Variants in NTN1 observed in about 807,000 individuals in gnomAD.
The protein encoded by NTN1 is netrin-1.
Under a neutral mutation model 54.2 loss-of-function variants are expected in NTN1, and 11 were observed. That is an observed-to-expected ratio of 0.20 (90% CI 0.13 to 0.34). NTN1 has a LOEUF of 0.34. Ranked by LOEUF, NTN1 falls within the 10% of genes least tolerant of loss-of-function variation. The probability of loss-of-function intolerance (pLI) is 1.00; values close to 1 mark genes in which losing one functional copy is unlikely to be tolerated. For missense variants in NTN1, 740 were observed against 893.1 expected (o/e 0.83, Z 2.18); for synonymous variants, 371 against 382.0 (o/e 0.97, Z 0.33).
At chr17:9,234,453 T>C (rs1905913437) in intron 6 of NTN1, among the ~76,000 whole-genome samples, 1 of 152,252 alleles carries the variant, frequency 6.6e-6, no homozygotes, top group Non-Finnish European at 1.5e-5. Flanking sequence ...CACTCCTGGC[T>C]GCCCTGGAAC....
chr17:9,163,028 G>A (rs755497852), intron 3 of NTN1, 27 bp downstream of exon 3: 3 of 1,566,688 alleles, frequency 1.9e-6, no homozygotes, highest in Non-Finnish European at 2.6e-6. Flanking sequence ...GGGGCGGGGG[G>A]CTGGGGAGAC....
chr17:9,125,519 C>T (rs1392916004), intron 2 of NTN1, among the ~76,000 whole-genome samples: 1 of 151,926 alleles, frequency 6.6e-6, no homozygotes, highest in Non-Finnish European at 1.5e-5. Flanking sequence ...TGAGCCACTG[C>T]ACCTGGCTGA....
chr17:9,146,772 C>T (rs1016447078), intron 2 of NTN1, among the ~76,000 whole-genome samples: 5 of 152,138 alleles, frequency 3.3e-5, no homozygotes, highest in Admixed American at 6.5e-5. Flanking sequence ...GCTAACTCGC[C>T]GCAGGACTCT....
chr17:9,027,793 C>T (rs549666228), intron 2 of NTN1, among the ~76,000 whole-genome samples: 2 of 152,184 alleles, frequency 1.3e-5, no homozygotes, highest in African/African-American at 4.8e-5. Flanking sequence ...AGATACTTTC[C>T]TGGGGGTTCT....
At chr17:9,130,886 C>G (rs2092262630) in intron 2 of NTN1, among the ~76,000 whole-genome samples, 2 of 152,210 alleles carry the variant, frequency 1.3e-5, no homozygotes, top group Admixed American at 1.3e-4. Flanking sequence ...TCTTGATTCT[C>G]TGAGTCTCGA....
chr17:9,045,136 C>G (rs901377212), intron 2 of NTN1, among the ~76,000 whole-genome samples: 2 of 152,158 alleles, frequency 1.3e-5, no homozygotes, highest in Non-Finnish European at 2.9e-5. Flanking sequence ...GGATTAGAAG[C>G]AAAGAAGAGG....
chr17:9,052,223 G>A (rs1356341610), intron 2 of NTN1, among the ~76,000 whole-genome samples: 5 of 152,002 alleles, frequency 3.3e-5, no homozygotes, highest in South Asian at 2.1e-4. Flanking sequence ...TGCCTGCCCC[G>A]GCCTCCCAAA....
chr17:9,226,188 C>G (rs1023491583), intron 6 of NTN1, among the ~76,000 whole-genome samples: 1 of 147,678 alleles, frequency 6.8e-6, no homozygotes, highest in Non-Finnish European at 1.5e-5. Context: ...TGCCAAGGCC[C>G]TGCCATGCCA....
intron 2 of NTN1, among the ~76,000 whole-genome samples, chr17:9,067,590 T>C (rs2092019367): frequency 6.6e-6 from 1 of 152,198 alleles, no homozygotes; most frequent in South Asian, 2.1e-4. Flanking sequence ...TCCACTCCTG[T>C]CTCTTACAGA....
chr17:9,034,419 T>C (rs1036913757), intron 2 of NTN1, among the ~76,000 whole-genome samples: 2 of 105,730 alleles, frequency 1.9e-5, no homozygotes, highest in Admixed American at 1.2e-4. Context: ...TATTCTTTTT[T>C]TTTTTCTTTT....
intron 2 of NTN1, among the ~76,000 whole-genome samples, chr17:9,061,796 C>T (rs951044972): frequency 2.6e-5 from 4 of 152,146 alleles, no homozygotes; most frequent in Admixed American, 1.3e-4. Flanking sequence ...CTCCACCTCC[C>T]GGGTTCAAGC....
At chr17:9,038,089 A>C (rs182370771) in intron 2 of NTN1, among the ~76,000 whole-genome samples, 1 of 152,228 alleles carries the variant, frequency 6.6e-6, no homozygotes, top group Admixed American at 6.5e-5. Context: ...ATAGGCCCAA[A>C]TATGCAAATA....
the NTN1 span, among the ~76,000 whole-genome samples, chr17:9,011,520 A>G: frequency 6.6e-6 from 1 of 152,222 alleles, no homozygotes; most frequent in Non-Finnish European, 1.5e-5. Flanking sequence ...TAATCACGTC[A>G]GCAAAGACCC....
chr17:9,027,363 A>G (rs1357120304), intron 2 of NTN1, among the ~76,000 whole-genome samples: 1 of 152,182 alleles, frequency 6.6e-6, no homozygotes, highest in Non-Finnish European at 1.5e-5. Context: ...CTGTAATTGT[A>G]CTTCTTTTAG....
the NTN1 span, among the ~76,000 whole-genome samples, chr17:9,003,753 T>G: frequency 2.0e-5 from 3 of 152,314 alleles, no homozygotes; most frequent in East Asian, 5.8e-4. The surrounding 1 kb of genome is among the most constrained non-coding windows in gnomAD (Gnocchi z 7.4). Context: ...TTCAGAATGG[T>G]CAGCGGGCTG....
At chr17:9,030,923 G>A (rs2091886619) in intron 2 of NTN1, among the ~76,000 whole-genome samples, 1 of 152,152 alleles carries the variant, frequency 6.6e-6, no homozygotes, top group Admixed American at 6.5e-5. Context: ...CTAGAAGTCT[G>A]TCTCCCTGGA....
At chr17:9,203,498 A>G (rs1051452332) in intron 5 of NTN1, among the ~76,000 whole-genome samples, 3 of 152,082 alleles carry the variant, frequency 2.0e-5, no homozygotes, top group African/African-American at 7.2e-5. Context: ...TTCAATTCTC[A>G]TATCAAGAAC....
chr17:9,050,083 A>G lies in NTN1; in HGVS notation c.1018+26692A>G, dbSNP rs541000694. On this transcript the variant is annotated intron_variant, in intron 2 of 6. Coordinates refer to ENST00000173229, the MANE Select transcript of NTN1 (RefSeq NM_004822.3). Reference sequence around the variant, plus strand: ...AACATGGTGAAACCCCGTCTCTACTAAAAATACAAACAAATTAGCCAGGTG... The same window carrying G: ...AACATGGTGAAACCCCGTCTCTACTGAAAATACAAACAAATTAGCCAGGTG... 1.1e-4 allele frequency among the ~76,000 whole-genome samples: 16 copies of G among 151,878 alleles called. No individual in the cohort carries two copies. The East Asian group carries it at 3.1e-3, about 30-fold the overall frequency.
chr17:9,197,674 G>A (rs11656733), intron 5 of NTN1, among the ~76,000 whole-genome samples: 23,381 of 136,198 alleles, frequency 0.17, 2,502 homozygotes, highest in East Asian at 0.36. Flanking sequence ...AAAAAAAAAA[G>A]AAGGAAGAAA....
Sources: allele counts gnomAD v4.1 joint callset (sites outside exome capture counted in the v4.1 genomes callset), GRCh38; gene constraint gnomAD v4.1.1; non-coding constraint Gnocchi (gnomAD v3.1); transcripts MANE v1.5; gene names NCBI Gene and HGNC (gene_info 2026-07-23, HGNC 2026-07-21).